The following WNK3 variants were observed in gnomAD, a reference collection of about 807,000 sequenced individuals.
The protein encoded by WNK3 is WNK lysine deficient protein kinase 3, also known as serine/threonine-protein kinase WNK3.
A neutral mutation model predicts 116.7 loss-of-function variants in WNK3; 18 were observed. The observed-to-expected ratio is 0.15, with a 90% CI of 0.11 to 0.23. The LOEUF (loss-of-function observed/expected upper bound fraction) is 0.23. Ranked by LOEUF, WNK3 falls within the 10% of genes least tolerant of loss-of-function variation. WNK3 has a pLI of 1.00. For missense variants in WNK3, 993 were observed against 1,323.8 expected (o/e 0.75, Z 3.88); for synonymous variants, 404 against 469.4 (o/e 0.86, Z 1.80).
At chrX:54,275,412 CATATGTGTGT>C (rs1490984225) in intron 10 of WNK3, among the ~76,000 whole-genome samples, 90 of 44,441 alleles carry the variant, frequency 2.0e-3, no homozygotes, top group African/African-American at 7.9e-3. Context: ...GGTATAAGTT[CATATGTGTGT>C]GTGTGTGTGT....
chrX:54,297,697 A>T (rs372398170), intron 7 of WNK3, among the ~76,000 whole-genome samples: 280 of 111,648 alleles, frequency 2.5e-3, no homozygotes, highest in Middle Eastern at 4.6e-3. Context: ...ATAAATGTAG[A>T]GCTTTATTAT....
chrX:54,333,984 A>G (rs782094887), intron 1 of WNK3, among the ~76,000 whole-genome samples, 192 bp from the exon 2 acceptor site: 3 of 111,410 alleles, frequency 2.7e-5, no homozygotes, highest in East Asian at 5.6e-4. Flanking sequence ...AGTGTCTAGC[A>G]GACTACTTAG....
chrX:54,197,128 T>C (rs1372779613), exon 24 of WNK3: 1 of 111,742 alleles, frequency 8.9e-6, no homozygotes, highest in Non-Finnish European at 1.9e-5. Context: ...AAGAATGGAT[T>C]GAGGTGTAGC....
exon 14 of WNK3, chrX:54,251,649 T>A (rs904531563): frequency 6.6e-6 from 8 of 1,209,230 alleles, no homozygotes; most frequent in Non-Finnish European, 2.2e-6. Context: ...CTTCTACAAA[T>A]TTTTCTTTCT....
chrX:54,226,795 G>T (rs959152425), intron 22 of WNK3, among the ~76,000 whole-genome samples: 1 of 111,341 alleles, frequency 9.0e-6, no homozygotes, highest in Non-Finnish European at 1.9e-5. Flanking sequence ...AGCCGAGATC[G>T]CGCCACTGCA....
chrX:54,305,838 G>A (rs1420738862), intron 5 of WNK3, among the ~76,000 whole-genome samples: 3 of 110,384 alleles, frequency 2.7e-5, no homozygotes, highest in East Asian at 2.8e-4. Context: ...GGTAGATCAC[G>A]AGGTCAGGAG....
At chrX:54,283,023 T>A (rs1440759789) in intron 10 of WNK3, among the ~76,000 whole-genome samples, 5 of 112,010 alleles carry the variant, frequency 4.5e-5, no homozygotes, top group Non-Finnish European at 7.5e-5. Context: ...ATCAAGAAGG[T>A]GAAAAGACAA....
At chrX:54,347,994 A>T in intron 1 of WNK3, among the ~76,000 whole-genome samples, 1 of 110,309 alleles carries the variant, frequency 9.1e-6, no homozygotes, top group Non-Finnish European at 1.9e-5. Context: ...GTACACACCA[A>T]GCTCTTTTTA....
At chrX:54,318,311 T>C (rs189024859) in intron 2 of WNK3, among the ~76,000 whole-genome samples, 21 of 106,542 alleles carry the variant, frequency 2.0e-4, no homozygotes, top group African/African-American at 6.9e-4. Flanking sequence ...AGTGAGCTGA[T>C]ATCATGCCAC....
At chrX:54,209,896 A>G (rs1165895843) in intron 22 of WNK3, among the ~76,000 whole-genome samples, 1 of 111,235 alleles carries the variant, frequency 9.0e-6, no homozygotes, top group African/African-American at 3.3e-5. Flanking sequence ...TTGTTTTGGG[A>G]GATTTTGTAT....
At chrX:54,358,429 G>A (rs1436919197), upstream of WNK3, 1 of 111,254 alleles carries the variant, frequency 9.0e-6, no homozygotes, top group Non-Finnish European at 1.9e-5. Flanking sequence ...GGGTCTCCGC[G>A]AGCCTCTGAA....
intron 20 of WNK3, among the ~76,000 whole-genome samples, chrX:54,235,493 G>A (rs989119066): frequency 9.0e-6 from 1 of 110,963 alleles, no homozygotes; most frequent in Non-Finnish European, 1.9e-5. Context: ...TGCCATGTTG[G>A]CCAGGGTGGT....
intron 15 of WNK3, among the ~76,000 whole-genome samples, chrX:54,250,677 G>A (rs544413472): frequency 9.0e-6 from 1 of 111,470 alleles, no homozygotes; most frequent in Middle Eastern, 4.6e-3. Flanking sequence ...AGAAAAATAA[G>A]ATATAGGAAG....
intron 2 of WNK3, among the ~76,000 whole-genome samples, chrX:54,320,894 GTTTTC>G (rs1339888108): frequency 9.3e-6 from 1 of 108,097 alleles, no homozygotes; most frequent in African/African-American, 3.4e-5. Context: ...AATCCTCAAT[GTTTTC>G]TTTTCTTTTT....
At chrX:54,308,787 C>T (rs1469390552) in intron 4 of WNK3, among the ~76,000 whole-genome samples, 1 of 111,405 alleles carries the variant, frequency 9.0e-6, no homozygotes, top group Non-Finnish European at 1.9e-5. Flanking sequence ...TATTTCAAAG[C>T]AAATTCAGTC....
At chrX:54,335,516 A>G (rs1557175226) in intron 1 of WNK3, among the ~76,000 whole-genome samples, 1 of 111,895 alleles carries the variant, frequency 8.9e-6, no homozygotes, top group African/African-American at 3.2e-5. Context: ...CATGCACTGC[A>G]AAGTTAAGCC....
At chrX:54,205,265 AAC>A (rs1557142458) in intron 22 of WNK3, among the ~76,000 whole-genome samples, 11 of 92,424 alleles carry the variant, frequency 1.2e-4, no homozygotes, top group African/African-American at 5.5e-4. Context: ...CCAACCAACC[AAC>A]CAAACAAACA....
intron 19 of WNK3, among the ~76,000 whole-genome samples, 194 bp downstream of exon 19, chrX:54,238,148 G>A (rs1240711888): frequency 1.8e-5 from 2 of 110,661 alleles, no homozygotes; most frequent in Non-Finnish European, 3.8e-5. Flanking sequence ...CAGTAAAATC[G>A]CTTGAACCAA....
chrX:54,213,558 A>C (rs1266652169), intron 22 of WNK3, among the ~76,000 whole-genome samples: 12 of 98,587 alleles, frequency 1.2e-4, no homozygotes, highest in East Asian at 8.8e-4. Flanking sequence ...CGTCTCAAAA[A>C]AAAAAACAAA....
Sources: gnomAD v4.1 joint callset for allele counts (sites outside exome capture counted in the v4.1 genomes callset) on GRCh38, gnomAD v4.1.1 for gene constraint, MANE v1.5 for transcripts, NCBI Gene and HGNC (gene_info 2026-07-23, HGNC 2026-07-21) for gene names.